Variants in GRM7 observed in about 807,000 individuals in gnomAD.
GRM7 encodes glutamate metabotropic receptor 7.
In GRM7, 35 loss-of-function variants were observed where a neutral mutation model predicts 84.5. That is an observed-to-expected ratio of 0.41 (90% CI 0.32 to 0.55). GRM7 has a LOEUF of 0.55. Among genes scored for constraint, GRM7 ranks in the 20% least tolerant of loss-of-function variants. The probability of loss-of-function intolerance (pLI) is 0.19; values close to 1 mark genes in which losing one functional copy is unlikely to be tolerated. For synonymous variants in GRM7, 487 were observed against 455.1 expected, an observed-to-expected ratio of 1.07 and a Z score of -0.89; for missense variants, 1,003 against 1,194.6, an observed-to-expected ratio of 0.84 and a Z score of 2.36.
At chr3:7,724,735 C>A (rs924199356) in intron 9 of GRM7, among the ~76,000 whole-genome samples, 3 of 152,146 alleles carry the variant, frequency 2.0e-5, no homozygotes, top group African/African-American at 7.2e-5. Context: ...AAGGACCTCT[C>A]ACCATTTACC....
chr3:7,606,173 G>A (rs1696558493), intron 8 of GRM7, among the ~76,000 whole-genome samples: 1 of 152,166 alleles, frequency 6.6e-6, no homozygotes, highest in African/African-American at 2.4e-5. Flanking sequence ...ATCTAGGGAA[G>A]CCTGAGCAAC....
At chr3:6,976,128 T>C (rs1693984020) in intron 1 of GRM7, among the ~76,000 whole-genome samples, 1 of 152,172 alleles carries the variant, frequency 6.6e-6, no homozygotes, top group African/African-American at 2.4e-5. Context: ...ACTTCATTCA[T>C]TTTGGTCACC....
At chr3:7,662,130 G>A (rs1246754273) in intron 8 of GRM7, among the ~76,000 whole-genome samples, 2 of 152,168 alleles carry the variant, frequency 1.3e-5, no homozygotes, top group Non-Finnish European at 1.5e-5. Context: ...TAATTATGCT[G>A]AATGAAAGAT....
chr3:7,390,619 T>G (rs150826699), intron 4 of GRM7, among the ~76,000 whole-genome samples: 134 of 152,274 alleles, frequency 8.8e-4, no homozygotes, highest in African/African-American at 3.1e-3. Context: ...AGCTCTAAAA[T>G]TATTTCTTCT....
At chr3:7,724,796 G>T (rs1341630574) in intron 9 of GRM7, among the ~76,000 whole-genome samples, 4 of 152,114 alleles carry the variant, frequency 2.6e-5, no homozygotes, top group African/African-American at 9.7e-5. Context: ...GTCTCACTCT[G>T]TTGCCAGGCT....
chr3:6,947,440 C>T (rs1296334726), intron 1 of GRM7, among the ~76,000 whole-genome samples: 1 of 152,122 alleles, frequency 6.6e-6, no homozygotes, highest in Non-Finnish European at 1.5e-5. Flanking sequence ...TGATGTGCTG[C>T]TGGATTCGGT....
intron 1 of GRM7, among the ~76,000 whole-genome samples, chr3:6,948,708 C>G (rs1007363829): frequency 1.3e-5 from 2 of 152,188 alleles, no homozygotes; most frequent in African/African-American, 2.4e-5. Context: ...TTGTAGGTCA[C>G]TAAGGACTTG....
intron 1 of GRM7, among the ~76,000 whole-genome samples, chr3:7,126,898 G>A (rs919586587): frequency 2.6e-5 from 4 of 152,022 alleles, no homozygotes; most frequent in African/African-American, 9.7e-5. Context: ...AAATCATTTG[G>A]ACACTATGTC....
intron 1 of GRM7, chr3:6,956,673 A>G (rs986357037): frequency 4.0e-5 from 18 of 454,410 alleles, no homozygotes; most frequent in African/African-American, 2.4e-4. Flanking sequence ...TACTGCTCAC[A>G]TGAATCTCTC....
chr3:7,355,061 T>C (rs1693332879), intron 4 of GRM7, among the ~76,000 whole-genome samples: 1 of 152,138 alleles, frequency 6.6e-6, no homozygotes, highest in African/African-American at 2.4e-5. Flanking sequence ...GTGGACTTAA[T>C]TGGTAAAACA....
intron 1 of GRM7, among the ~76,000 whole-genome samples, chr3:7,004,069 G>A (rs1222660174): frequency 6.6e-6 from 1 of 152,142 alleles, no homozygotes; most frequent in Admixed American, 6.5e-5. Context: ...GCTTCCCCCA[G>A]AATAAGTGAT....
At chr3:7,443,030 C>T (rs1040380728) in intron 5 of GRM7, among the ~76,000 whole-genome samples, 57 of 150,200 alleles carry the variant, frequency 3.8e-4, no homozygotes, top group Admixed American at 1.3e-4. Flanking sequence ...ATTTTCTTTT[C>T]CATCCTCCTC....
At chr3:7,156,861 A>C (rs561761194) in intron 2 of GRM7, among the ~76,000 whole-genome samples, 3 of 152,236 alleles carry the variant, frequency 2.0e-5, no homozygotes, top group South Asian at 4.1e-4. Flanking sequence ...TTTAGTCTTC[A>C]TTGGATATTC....
intron 6 of GRM7, among the ~76,000 whole-genome samples, chr3:7,460,388 C>T (rs1367149389): frequency 8.1e-6 from 1 of 123,692 alleles, no homozygotes; most frequent in Admixed American, 7.7e-5. Flanking sequence ...TCACTATAAA[C>T]AATTTTTTTT....
chr3:7,722,654 G>C (rs1010420380), intron 9 of GRM7, among the ~76,000 whole-genome samples: 2 of 152,114 alleles, frequency 1.3e-5, no homozygotes, highest in Non-Finnish European at 2.9e-5. Context: ...CGTTGGCCAG[G>C]CTGGTCTCAA....
intron 2 of GRM7, among the ~76,000 whole-genome samples, chr3:7,179,812 T>G (rs1695277994): frequency 6.6e-6 from 1 of 152,198 alleles, no homozygotes; most frequent in Non-Finnish European, 1.5e-5. Context: ...ATTAAGTGCA[T>G]TTGATATAGG....
At chr3:6,874,340 C>T (rs17046239) in intron 1 of GRM7, among the ~76,000 whole-genome samples, 7,422 of 152,210 alleles carry the variant, frequency 0.049, 228 homozygotes, top group East Asian at 0.082. Context: ...TATCAAGTGT[C>T]GTTTATATGA....
chr3:6,998,736 C>T (rs1300594401), intron 1 of GRM7, among the ~76,000 whole-genome samples: 1 of 152,218 alleles, frequency 6.6e-6, no homozygotes, highest in African/African-American at 2.4e-5. Flanking sequence ...GCTGCCAAGG[C>T]TTGTGGCTTT....
chr3:7,046,987 T>G (rs1048864003), intron 1 of GRM7, among the ~76,000 whole-genome samples: 31 of 152,168 alleles, frequency 2.0e-4, no homozygotes, highest in African/African-American at 7.2e-4. Context: ...AGGAAGGGGA[T>G]ATTTGTTAAA....
Sources: gnomAD v4.1 joint callset for allele counts (sites outside exome capture counted in the v4.1 genomes callset) on GRCh38, gnomAD v4.1.1 for gene constraint, MANE v1.5 for transcripts, NCBI Gene and HGNC (gene_info 2026-07-23, HGNC 2026-07-21) for gene names.